POU3F3: variants seen among roughly 807,000 people sequenced by gnomAD.
POU3F3 encodes the protein POU class 3 homeobox 3.
POU3F3 carries 1 observed loss-of-function variant against 8.6 expected under a neutral mutation model. The observed-to-expected ratio is 0.12, with a 90% CI of 0.04 to 0.55. POU3F3 has a LOEUF of 0.55. Among genes scored for constraint, POU3F3 ranks in the 20% least tolerant of loss-of-function variants. The pLI is 0.91. For synonymous variants in POU3F3, 418 were observed against 327.4 expected (o/e 1.28, Z -2.99); for missense variants, 577 against 690.7 (o/e 0.84, Z 1.84).
At position 104,857,159 on chromosome 2, in the gene POU3F3, C is replaced by G; in HGVS notation, c.*146C>G. ...CCCTGCACCTGGGCCGCTCCGGGCT[C>G]CAGCCCAGGCCCATCCGCCGCCCTC... On this transcript the variant is annotated 3_prime_UTR_variant, in exon 1 of 1. Coordinates refer to ENST00000361360, the MANE Select transcript of POU3F3 (RefSeq NM_006236.3). 1 of 853,554 alleles carries G rather than the reference C, an allele frequency of 1.2e-6. No homozygotes were observed. Among genetic ancestry groups the G allele is most frequent in the South Asian group, 5.1e-5 (1 of 19,498 alleles). 52.9% of individuals were successfully genotyped at this position (853,554 alleles called of 1,614,324 possible). A position where few individuals can be genotyped will look rare whatever the true frequency, so the allele number is the denominator to read the frequency against.
chr2:104,904,111 C>A, the POU3F3 span, among the ~76,000 whole-genome samples: 2 of 152,166 alleles, frequency 1.3e-5, no homozygotes, highest in East Asian at 1.9e-4. Context: ...CACTACAAAG[C>A]CAGAATTTCC....
the POU3F3 span, among the ~76,000 whole-genome samples, chr2:104,894,199 T>G: frequency 2.6e-5 from 4 of 152,212 alleles, no homozygotes; most frequent in Non-Finnish European, 5.9e-5. Context: ...GCACATGAGT[T>G]GTACCCGGTG....
the POU3F3 span, chr2:104,868,497 G>A: frequency 5.2e-6 from 2 of 382,670 alleles, no homozygotes; most frequent in East Asian, 7.4e-5. Context: ...CAGAAGCATC[G>A]CTGCAGACCT....
the POU3F3 span, chr2:104,872,346 C>G: frequency 8.8e-6 from 4 of 456,584 alleles, no homozygotes; most frequent in African/African-American, 8.0e-5. This position sits in a 1 kb window ranked among gnomAD's most constrained non-coding sequence, Gnocchi z 4.6. Context: ...CCAGAGCACA[C>G]ACTTCGGGCT....
chr2:104,890,349 T>C, the POU3F3 span, among the ~76,000 whole-genome samples: 3 of 152,154 alleles, frequency 2.0e-5, no homozygotes, highest in South Asian at 4.2e-4. Context: ...CTCACCCTTC[T>C]AGGTGTCCGC....
the POU3F3 span, among the ~76,000 whole-genome samples, chr2:104,887,474 A>G: frequency 6.6e-6 from 1 of 152,212 alleles, no homozygotes; most frequent in Non-Finnish European, 1.5e-5. Context: ...AGGAAGAACC[A>G]TGGAATAGTG....
chr2:104,877,250 C>T, the POU3F3 span, among the ~76,000 whole-genome samples: 3 of 148,860 alleles, frequency 2.0e-5, no homozygotes, highest in African/African-American at 7.5e-5. Context: ...TTGCTTTTTC[C>T]ATTTGCAATG....
the POU3F3 span, among the ~76,000 whole-genome samples, chr2:104,922,203 C>T: frequency 2.6e-5 from 4 of 151,586 alleles, no homozygotes; most frequent in South Asian, 8.3e-4. Flanking sequence ...ATCTGATTAC[C>T]GGAGTTACTA....
the POU3F3 span, among the ~76,000 whole-genome samples, chr2:104,887,964 C>T: frequency 6.6e-6 from 1 of 152,230 alleles, no homozygotes; most frequent in African/African-American, 2.4e-5. Flanking sequence ...TTTAAATCAT[C>T]TAAAATTTTT....
chr2:104,904,569 TTTACTATAAATGTTCC>T, the POU3F3 span, among the ~76,000 whole-genome samples: 1 of 152,034 alleles, frequency 6.6e-6, no homozygotes, highest in Non-Finnish European at 1.5e-5. Flanking sequence ...AATTTATTTG[TTTACTATAAATGTTCC>T]TTACTATAAA....
the POU3F3 span, among the ~76,000 whole-genome samples, chr2:104,875,341 C>T: frequency 6.6e-6 from 1 of 152,188 alleles, no homozygotes; most frequent in Non-Finnish European, 1.5e-5. Flanking sequence ...CCATTCTTTT[C>T]AGCGTGTACC....
the POU3F3 span, among the ~76,000 whole-genome samples, chr2:104,920,096 C>T: frequency 9.9e-5 from 15 of 152,272 alleles, no homozygotes; most frequent in African/African-American, 3.6e-4. Context: ...CCCACTGCAA[C>T]CTCTACCTCC....
At chr2:104,898,586 G>A in the POU3F3 span, among the ~76,000 whole-genome samples, 142 of 152,212 alleles carry the variant, frequency 9.3e-4, 2 homozygotes, top group East Asian at 0.023. Context: ...AAAGACTGTC[G>A]TATTTTATGA....
chr2:104,878,466 A>G, the POU3F3 span, among the ~76,000 whole-genome samples: 82 of 152,284 alleles, frequency 5.4e-4, no homozygotes, highest in African/African-American at 1.9e-3. Context: ...AAATCGAACT[A>G]CTTTCAACCT....
At chr2:104,903,370 A>G in the POU3F3 span, among the ~76,000 whole-genome samples, 1 of 152,200 alleles carries the variant, frequency 6.6e-6, no homozygotes, top group African/African-American at 2.4e-5. Context: ...CCGGTGCTAT[A>G]TGCCTCTATT....
At chr2:104,911,102 GA>G in the POU3F3 span, among the ~76,000 whole-genome samples, 2 of 152,102 alleles carry the variant, frequency 1.3e-5, no homozygotes, top group African/African-American at 4.8e-5. Flanking sequence ...GATACTGAGG[GA>G]CAACCGTATG....
the POU3F3 span, among the ~76,000 whole-genome samples, chr2:104,873,388 A>G: frequency 8.6e-5 from 13 of 151,996 alleles, no homozygotes; most frequent in Admixed American, 8.5e-4. Flanking sequence ...GAGCGAAGGG[A>G]AAAGAAGAAA....
At chr2:104,921,898 G>A in the POU3F3 span, among the ~76,000 whole-genome samples, 2 of 152,220 alleles carry the variant, frequency 1.3e-5, no homozygotes, top group African/African-American at 4.8e-5. Context: ...TCAGGAGGCT[G>A]AGGCAGGAGA....
At chr2:104,925,172 C>T in the POU3F3 span, among the ~76,000 whole-genome samples, 8 of 152,188 alleles carry the variant, frequency 5.3e-5, no homozygotes, top group Non-Finnish European at 1.2e-4. Flanking sequence ...ATTAGAGGAA[C>T]TGGGAAATCA....
Sources: gnomAD v4.1 joint callset for allele counts (sites outside exome capture counted in the v4.1 genomes callset) on GRCh38, gnomAD v4.1.1 for gene constraint, Gnocchi (gnomAD v3.1) non-coding constraint, MANE v1.5 for transcripts, NCBI Gene and HGNC (gene_info 2026-07-23, HGNC 2026-07-21) for gene names.